The following MAP7 variants were observed in gnomAD, a reference collection of about 807,000 sequenced individuals.
MAP7 encodes the protein microtubule associated protein 7, also known as ensconsin.
MAP7 carries 52 observed loss-of-function variants against 94.8 expected under a neutral mutation model. That is an observed-to-expected ratio of 0.55 (90% CI 0.44 to 0.69). The LOEUF (loss-of-function observed/expected upper bound fraction) is 0.69, where lower values mean the gene tolerates loss of function less well. MAP7 is among the 30% of genes least tolerant of loss of function. MAP7 has a pLI of 0.00. For synonymous variants in MAP7, 350 were observed against 357.0 expected (o/e 0.98, Z 0.22); for missense variants, 940 against 964.6 (o/e 0.97, Z 0.34).
intron 3 of MAP7, among the ~76,000 whole-genome samples, chr6:136,406,561 C>G (rs1314859542): frequency 6.6e-6 from 1 of 152,204 alleles, no homozygotes; most frequent in Non-Finnish European, 1.5e-5. Context: ...TGGCTCACGT[C>G]TGTAACCCCA....
At chr6:136,461,493 A>G (rs1241209127) in intron 1 of MAP7, among the ~76,000 whole-genome samples, 5 of 152,242 alleles carry the variant, frequency 3.3e-5, no homozygotes, top group Non-Finnish European at 5.9e-5. Context: ...TTAATATTAG[A>G]TCAAGTAAGT....
At chr6:136,358,215 T>C in intron 15 of MAP7, among the ~76,000 whole-genome samples, 1 of 152,118 alleles carries the variant, frequency 6.6e-6, no homozygotes, top group East Asian at 1.9e-4. Context: ...TAAAGAATAC[T>C]GAAAGAACAG....
At chr6:136,490,549 T>A (rs1196819094) in intron 1 of MAP7, among the ~76,000 whole-genome samples, 1 of 152,182 alleles carries the variant, frequency 6.6e-6, no homozygotes, top group Non-Finnish European at 1.5e-5. Flanking sequence ...TTGACTACAA[T>A]TCAATATTAT....
At chr6:136,467,904 T>C (rs773604630) in intron 1 of MAP7, among the ~76,000 whole-genome samples, 14 of 152,178 alleles carry the variant, frequency 9.2e-5, no homozygotes, top group Non-Finnish European at 1.9e-4. Context: ...CTTTGAGCAG[T>C]TGGACCTGAC....
intron 16 of MAP7, among the ~76,000 whole-genome samples, chr6:136,348,732 G>A (rs1788343084): frequency 6.6e-6 from 1 of 152,170 alleles, no homozygotes; most frequent in Admixed American, 6.5e-5. Flanking sequence ...CTCTTCCTGT[G>A]TGAACAATAG....
intron 1 of MAP7, among the ~76,000 whole-genome samples, chr6:136,538,276 A>G (rs1295114686): frequency 6.6e-6 from 1 of 152,166 alleles, no homozygotes; most frequent in African/African-American, 2.4e-5. Context: ...TATTTCATGT[A>G]TGTACTTTGC....
intron 6 of MAP7, among the ~76,000 whole-genome samples, chr6:136,381,706 A>C (rs1333417217): frequency 6.6e-6 from 1 of 151,958 alleles, no homozygotes; most frequent in Non-Finnish European, 1.5e-5. Flanking sequence ...AGAACTCTCA[A>C]ATCTAGCGTT....
intron 3 of MAP7, among the ~76,000 whole-genome samples, chr6:136,407,625 C>T (rs1207785676): frequency 1.3e-5 from 2 of 152,164 alleles, no homozygotes; most frequent in Non-Finnish European, 2.9e-5. Context: ...TCAACTTCTA[C>T]CTACCTACTG....
intron 3 of MAP7, among the ~76,000 whole-genome samples, chr6:136,389,809 C>T (rs1780192920): frequency 6.6e-6 from 1 of 152,134 alleles, no homozygotes; most frequent in African/African-American, 2.4e-5. Flanking sequence ...CATTATTAAC[C>T]ACATGCTCTA....
chr6:136,494,332 GTC>G (rs1482158450), intron 1 of MAP7, among the ~76,000 whole-genome samples: 1 of 152,166 alleles, frequency 6.6e-6, no homozygotes, highest in East Asian at 1.9e-4. Context: ...GTAACATTGA[GTC>G]TTTTATTTAT....
chr6:136,365,993 A>G lies in MAP7; in HGVS notation c.1015T>C (p.Leu339=). ...LWLPSKSLPH[L]PGTPRPTSSL... Reference sequence around the variant, plus strand: ...GATGTCGGTCTGGGTGTGCCAGGCAAATGAGGAAGAGACTTGGACGGAAGC... The same window carrying G: ...GATGTCGGTCTGGGTGTGCCAGGCAGATGAGGAAGAGACTTGGACGGAAGC... Residue 339 remains leucine, a synonymous_variant, in exon 10 of 18, where the codon TTG becomes CTG. Coordinates refer to ENST00000354570, the MANE Select transcript of MAP7 (RefSeq NM_003980.6). 6.2e-7 allele frequency: 1 copy of G among 1,611,744 alleles called. No individual in the cohort carries two copies. Among genetic ancestry groups the G allele is most frequent in the East Asian group, 2.2e-5 (1 of 44,874 alleles).
intron 1 of MAP7, among the ~76,000 whole-genome samples, chr6:136,436,285 A>T (rs1234087491): frequency 6.6e-6 from 1 of 152,228 alleles, no homozygotes; most frequent in Non-Finnish European, 1.5e-5. Context: ...ATTTTCTGGC[A>T]GGCTAAACTT....
chr6:136,419,872 G>C (rs1371996538), intron 2 of MAP7: 1 of 466,284 alleles, frequency 2.1e-6, no homozygotes, highest in Non-Finnish European at 4.1e-6. Context: ...TATTAAAGCT[G>C]TGTGTCAAGA....
At chr6:136,464,476 ATC>A (rs1246805530) in intron 1 of MAP7, among the ~76,000 whole-genome samples, 3 of 152,298 alleles carry the variant, frequency 2.0e-5, no homozygotes, top group African/African-American at 7.2e-5. Context: ...ATTGTTGTTA[ATC>A]TCTTACTGTG....
At chr6:136,447,332 T>C (rs535961717) in intron 1 of MAP7, among the ~76,000 whole-genome samples, 44 of 152,376 alleles carry the variant, frequency 2.9e-4, no homozygotes, top group African/African-American at 9.9e-4. Flanking sequence ...AGGCTTCTCA[T>C]TTGTAACTGC....
intron 1 of MAP7, among the ~76,000 whole-genome samples, chr6:136,507,960 A>T (rs572805960): frequency 6.6e-6 from 1 of 152,326 alleles, no homozygotes; most frequent in Admixed American, 6.5e-5. Context: ...TCTTTGACAC[A>T]CATTCCAATT....
At chr6:136,419,403 GATTTT>G (rs768510106) in intron 2 of MAP7, among the ~76,000 whole-genome samples, 7 of 152,120 alleles carry the variant, frequency 4.6e-5, no homozygotes, top group African/African-American at 1.2e-4. Context: ...TTACAAATGT[GATTTT>G]ATTTTATTTT....
intron 1 of MAP7, chr6:136,526,146 AC>A (rs1234815978): frequency 1.5e-6 from 2 of 1,315,780 alleles, no homozygotes; most frequent in African/African-American, 3.0e-5. Context: ...CCACTTGGCA[AC>A]TGAGGCCCTG....
At chr6:136,411,816 T>A in intron 2 of MAP7, 119 bp from the exon 3 acceptor site, 1 of 766,494 alleles carries the variant, frequency 1.3e-6, no homozygotes, top group Non-Finnish European at 2.1e-6. Flanking sequence ...TGCTGCACTT[T>A]ACAACAATAA....
Sources: gnomAD v4.1 joint callset for allele counts (sites outside exome capture counted in the v4.1 genomes callset) on GRCh38, gnomAD v4.1.1 for gene constraint, MANE v1.5 for transcripts, NCBI Gene and HGNC (gene_info 2026-07-23, HGNC 2026-07-21) for gene names.